The following ZNF385D variants were observed in gnomAD, a reference collection of about 807,000 sequenced individuals.
ZNF385D encodes zinc finger protein 385D, also known as zinc finger protein 659.
Under a neutral mutation model 35.8 loss-of-function variants are expected in ZNF385D, and 15 were observed. The observed-to-expected ratio is 0.42, with a 90% CI of 0.28 to 0.64. The LOEUF is 0.64. Among genes scored for constraint, ZNF385D ranks in the 30% least tolerant of loss-of-function variants. The probability of loss-of-function intolerance (pLI) is 0.23; values close to 1 mark genes in which losing one functional copy is unlikely to be tolerated. For missense variants in ZNF385D, 474 were observed against 494.6 expected (o/e 0.96, Z 0.39); for synonymous variants, 212 against 186.8 (o/e 1.13, Z -1.10).
chr3:21,949,546 C>CTTTTTTTTTTT (rs1553705221), intron 3 of ZNF385D, among the ~76,000 whole-genome samples: 55 of 30,916 alleles, frequency 1.8e-3, no homozygotes, highest in East Asian at 3.8e-3. Flanking sequence ...TCCTTCTTTT[C>CTTTTTTTTTTT]TTTCTTTCTT....
At chr3:21,534,625 T>C (rs956446228) in intron 3 of ZNF385D, among the ~76,000 whole-genome samples, 2 of 152,130 alleles carry the variant, frequency 1.3e-5, no homozygotes, top group African/African-American at 4.8e-5. Context: ...AATTTTATGA[T>C]CTTCACTGGC....
chr3:21,931,487 T>C (rs187983269), intron 3 of ZNF385D, among the ~76,000 whole-genome samples: 9 of 152,344 alleles, frequency 5.9e-5, no homozygotes, highest in Middle Eastern at 6.8e-3. Context: ...AAATGTATTA[T>C]TTATAATAAC....
intron 3 of ZNF385D, among the ~76,000 whole-genome samples, chr3:21,541,865 T>C (rs564633611): frequency 1.6e-4 from 24 of 152,326 alleles, no homozygotes; most frequent in East Asian, 1.2e-3. Flanking sequence ...TTAAGAAGTG[T>C]ATACAGTTGT....
chr3:22,069,174 A>T lies in ZNF385D; in HGVS notation c.325+99643T>A, dbSNP rs143869885. ...CCCAACTAACTTCTCCTTATATCTC[A>T]TTGGTTAGTACTGGCTACTCCCAGC... On this transcript the variant is annotated intron_variant, in intron 3 of 5. Coordinates refer to the ZNF385D transcript ENST00000494108. 3.5e-3 allele frequency among the ~76,000 whole-genome samples: 536 copies of T among 152,304 alleles called. 3 individuals carry two copies. The highest frequency in any genetic ancestry group is 0.012 in the African/African-American group (517 of 41,554).
At chr3:21,883,886 C>T (rs373901622) in intron 3 of ZNF385D, among the ~76,000 whole-genome samples, 12 of 152,104 alleles carry the variant, frequency 7.9e-5, no homozygotes, top group South Asian at 6.2e-4. Context: ...AGACATGCTA[C>T]GACATCTCAT....
intron 3 of ZNF385D, among the ~76,000 whole-genome samples, chr3:21,520,353 C>CAT (rs1296238825): frequency 2.0e-5 from 3 of 152,194 alleles, no homozygotes; most frequent in Non-Finnish European, 4.4e-5. Context: ...TAGGATCTAT[C>CAT]ATACATCTCT....
chr3:22,161,248 G>C (rs1248173019), intron 3 of ZNF385D, among the ~76,000 whole-genome samples: 1 of 151,906 alleles, frequency 6.6e-6, no homozygotes, highest in Non-Finnish European at 1.5e-5. Flanking sequence ...TTGTTATAAT[G>C]CTTGTAAAAC....
intron 4 of ZNF385D, among the ~76,000 whole-genome samples, chr3:21,489,317 G>C (rs535293769): frequency 2.6e-5 from 4 of 152,066 alleles, no homozygotes; most frequent in African/African-American, 9.7e-5. Flanking sequence ...CAACTTTCCT[G>C]GGGCTATTAA....
chr3:21,495,353 CAT>C (rs1705752457), intron 4 of ZNF385D, among the ~76,000 whole-genome samples: 1 of 151,750 alleles, frequency 6.6e-6, no homozygotes, highest in Admixed American at 6.6e-5. Flanking sequence ...CAAAAAATAA[CAT>C]AAGTTCCAAC....
chr3:22,039,859 C>CTATG (rs1698559144), intron 3 of ZNF385D, among the ~76,000 whole-genome samples: 1 of 152,118 alleles, frequency 6.6e-6, no homozygotes, highest in African/African-American at 2.4e-5. Flanking sequence ...CCACCCTTTT[C>CTATG]TATGACTGAA....
intron 2 of ZNF385D, among the ~76,000 whole-genome samples, chr3:22,211,366 A>C (rs116306387): frequency 6.6e-6 from 1 of 151,934 alleles, no homozygotes; most frequent in Non-Finnish European, 1.5e-5. Flanking sequence ...TTTTCAAAAA[A>C]TCTAGTTCCC....
intron 2 of ZNF385D, among the ~76,000 whole-genome samples, chr3:21,660,225 C>G (rs192194617): frequency 2.0e-5 from 3 of 152,158 alleles, no homozygotes; most frequent in Admixed American, 1.3e-4. Context: ...ATTTCATATG[C>G]TAATTTACAT....
intron 3 of ZNF385D, among the ~76,000 whole-genome samples, chr3:21,961,132 G>C (rs1207648565): frequency 6.6e-6 from 1 of 151,898 alleles, no homozygotes; most frequent in Non-Finnish European, 1.5e-5. Context: ...CCTGATTTGA[G>C]TATTATACAC....
At chr3:21,813,356 G>A (rs978263282) in intron 3 of ZNF385D, among the ~76,000 whole-genome samples, 5 of 152,320 alleles carry the variant, frequency 3.3e-5, no homozygotes, top group East Asian at 1.9e-4. Context: ...TGACTTTGAC[G>A]AGTTGACAGA....
chr3:21,560,476 G>A (rs56165442), intron 3 of ZNF385D, among the ~76,000 whole-genome samples: 2,085 of 152,342 alleles, frequency 0.014, 49 homozygotes, highest in African/African-American at 0.047. Flanking sequence ...AGCAGAGGCT[G>A]CAGAACAGCA....
intron 1 of ZNF385D, among the ~76,000 whole-genome samples, chr3:21,747,754 G>T (rs1444228656): frequency 6.6e-6 from 1 of 152,078 alleles, no homozygotes; most frequent in Non-Finnish European, 1.5e-5. Flanking sequence ...ACTGTAACTG[G>T]GCAGCTCAGT....
Position 22,335,468 on chromosome 3 carries a change from ATCAT to A in ZNF385D, c.106+36978_106+36981del, listed in dbSNP as rs746766328. ...CATAGAATTATGTCTGATTCCTGACATCATTCAATCTAAAGCCTCACTTCTTTAA... is the reference window on the plus strand; with the variant it reads ...CATAGAATTATGTCTGATTCCTGACATCAATCTAAAGCCTCACTTCTTTAA... On this transcript the variant is annotated intron_variant, in intron 2 of 5. Transcript: ENST00000494108. Among the ~76,000 whole-genome samples the A allele has an allele frequency of 1.1e-3, 160 of 152,300 alleles. 1 individual carries two copies. The highest frequency in any genetic ancestry group is 1.7e-3 in the Non-Finnish European group (116 of 67,988).
intron 3 of ZNF385D, among the ~76,000 whole-genome samples, chr3:21,867,779 G>C (rs572630126): frequency 1.7e-4 from 25 of 151,496 alleles, no homozygotes; most frequent in African/African-American, 5.6e-4. Flanking sequence ...TTTTTAGTCA[G>C]TTTTGAGACC....
At chr3:21,441,807 G>A (rs948456306) in intron 4 of ZNF385D, 2 of 903,468 alleles carry the variant, frequency 2.2e-6, no homozygotes, top group Non-Finnish European at 2.6e-6. Flanking sequence ...GGCTGATTCA[G>A]ATTTCTTTGC....
Sources: gnomAD v4.1 joint callset for allele counts (sites outside exome capture counted in the v4.1 genomes callset) on GRCh38, gnomAD v4.1.1 for gene constraint, MANE v1.5 for transcripts, NCBI Gene and HGNC (gene_info 2026-07-23, HGNC 2026-07-21) for gene names.